CPPED1: variants seen among roughly 807,000 people sequenced by gnomAD.
CPPED1 encodes the protein calcineurin like phosphoesterase domain containing 1, also known as serine/threonine-protein phosphatase CPPED1.
Under a neutral mutation model 28.0 loss-of-function variants are expected in CPPED1, and 28 were observed. That is an observed-to-expected ratio of 1.00 (90% confidence interval 0.74 to 1.37). The LOEUF is 1.37. CPPED1 is among the 40% of genes most tolerant of loss of function. The pLI is 0.00. For missense variants in CPPED1, 504 were observed against 416.5 expected (o/e 1.21, Z -1.83); for synonymous variants, 198 against 180.2 (o/e 1.10, Z -0.79).
chr16:12,675,864 G>C (rs974315465), intron 3 of CPPED1, among the ~76,000 whole-genome samples: 6 of 152,326 alleles, frequency 3.9e-5, no homozygotes, highest in African/African-American at 1.4e-4. Context: ...AGTTAAAAAA[G>C]GTTGGGTGTG....
chr16:12,734,053 T>C (rs1480836901), intron 2 of CPPED1, among the ~76,000 whole-genome samples: 3 of 138,274 alleles, frequency 2.2e-5, no homozygotes, highest in Non-Finnish European at 3.1e-5. Context: ...GTTTTCAAAT[T>C]ACACGTTTTT....
At chr16:12,772,756 C>T (rs969569424) in intron 2 of CPPED1, among the ~76,000 whole-genome samples, 1 of 152,176 alleles carries the variant, frequency 6.6e-6, no homozygotes, top group African/African-American at 2.4e-5. Flanking sequence ...ATCTATAAAT[C>T]CCAAAGTATC....
rs190831430 is a variant in CPPED1 at position 12,737,197 on chromosome 16, T to A, written c.290-32148A>T. ...AGAGTGAGACCATGTCTCAAAAAAATAATAATAATAATAATAAAAAAAATC... is the reference window on the plus strand; with the variant it reads ...AGAGTGAGACCATGTCTCAAAAAAAAAATAATAATAATAATAAAAAAAATC... On this transcript the variant is annotated intron_variant, in intron 2 of 3. Coordinates refer to ENST00000381774, the MANE Select transcript of CPPED1 (RefSeq NM_018340.3). 7.7e-3 allele frequency among the ~76,000 whole-genome samples: 1,163 copies of A among 151,250 alleles called. 22 individuals are homozygous for A. Among genetic ancestry groups the A allele is most frequent in the African/African-American group, 0.024 (999 of 41,194 alleles).
At chr16:12,795,244 C>T (rs574220002) in intron 1 of CPPED1, among the ~76,000 whole-genome samples, 1 of 152,316 alleles carries the variant, frequency 6.6e-6, no homozygotes, top group African/African-American at 2.4e-5. Flanking sequence ...TTCCCCCGGG[C>T]AGATGTGCTC....
intron 2 of CPPED1, among the ~76,000 whole-genome samples, chr16:12,720,847 A>G (rs2141198151): frequency 2.0e-5 from 3 of 152,378 alleles, no homozygotes; most frequent in Middle Eastern, 6.8e-3. Flanking sequence ...AAACAAAATT[A>G]TATGTTATTA....
At chr16:12,780,531 G>A (rs1410461236) in intron 2 of CPPED1, among the ~76,000 whole-genome samples, 4 of 152,080 alleles carry the variant, frequency 2.6e-5, no homozygotes, top group Non-Finnish European at 5.9e-5. Context: ...TCTGGTTTCT[G>A]ACAAAAGGAT....
At chr16:12,678,450 T>C (rs190712315) in intron 3 of CPPED1, among the ~76,000 whole-genome samples, 6 of 152,352 alleles carry the variant, frequency 3.9e-5, no homozygotes, top group African/African-American at 1.4e-4. Context: ...AAAACTGCTA[T>C]AATTTTGATT....
At chr16:12,777,505 C>T (rs972647731) in intron 2 of CPPED1, among the ~76,000 whole-genome samples, 7 of 152,304 alleles carry the variant, frequency 4.6e-5, no homozygotes, top group Admixed American at 1.3e-4. Context: ...TGTTCACTTG[C>T]TACTTACAAT....
chr16:12,793,135 A>G (rs2080606489), intron 1 of CPPED1, among the ~76,000 whole-genome samples: 1 of 152,192 alleles, frequency 6.6e-6, no homozygotes, highest in East Asian at 1.9e-4. Context: ...ACAGTGAGCA[A>G]TGCTGATGGA....
intron 3 of CPPED1, among the ~76,000 whole-genome samples, chr16:12,691,798 G>C (rs9923327): frequency 8.4e-6 from 1 of 118,902 alleles, no homozygotes; most frequent in Admixed American, 8.9e-5. Context: ...AACATCACAC[G>C]CTGGGGACTG....
chr16:12,765,688 T>C (rs573489334), intron 2 of CPPED1, among the ~76,000 whole-genome samples: 1 of 152,284 alleles, frequency 6.6e-6, no homozygotes, highest in East Asian at 1.9e-4. Context: ...AAATAATACA[T>C]ATTGAATAGA....
intron 2 of CPPED1, among the ~76,000 whole-genome samples, chr16:12,733,280 T>TTC (rs2080208816): frequency 7.0e-6 from 1 of 142,568 alleles, no homozygotes; most frequent in African/African-American, 2.9e-5. Context: ...AGGAATTTTT[T>TTC]TTTTTTTTTT....
chr16:12,752,084 C>T (rs764445750), intron 2 of CPPED1, among the ~76,000 whole-genome samples: 14 of 152,162 alleles, frequency 9.2e-5, no homozygotes, highest in Admixed American at 2.0e-4. Context: ...CACAACTTTG[C>T]TTTGAAGATT....
intron 3 of CPPED1, among the ~76,000 whole-genome samples, chr16:12,673,528 T>C (rs951790634): frequency 5.3e-5 from 8 of 152,144 alleles, no homozygotes; most frequent in Non-Finnish European, 1.0e-4. Context: ...CCATATTGAG[T>C]GGCATTAACA....
intron 2 of CPPED1, among the ~76,000 whole-genome samples, chr16:12,741,791 C>G (rs1297599184): frequency 6.6e-6 from 1 of 152,134 alleles, no homozygotes; most frequent in Non-Finnish European, 1.5e-5. Flanking sequence ...TGGTTCACGC[C>G]CGTAATCCCA....
intron 2 of CPPED1, among the ~76,000 whole-genome samples, chr16:12,762,452 C>T (rs1344558055): frequency 6.6e-6 from 1 of 152,128 alleles, no homozygotes; most frequent in Non-Finnish European, 1.5e-5. Flanking sequence ...GAATTTATCT[C>T]ATAGTATAAT....
At chr16:12,776,451 G>A (rs1445505959) in intron 2 of CPPED1, among the ~76,000 whole-genome samples, 1 of 152,220 alleles carries the variant, frequency 6.6e-6, no homozygotes, top group Non-Finnish European at 1.5e-5. Flanking sequence ...AACTTGAATT[G>A]TAGCTCCCAC....
intron 3 of CPPED1, among the ~76,000 whole-genome samples, chr16:12,677,379 C>CT (rs2141170149): frequency 6.6e-6 from 1 of 152,366 alleles, no homozygotes; most frequent in East Asian, 1.9e-4. Flanking sequence ...TGGCTTATGC[C>CT]TGTAATCCCA....
chr16:12,669,846 T>C (rs2079844870), intron 3 of CPPED1, among the ~76,000 whole-genome samples: 1 of 152,126 alleles, frequency 6.6e-6, no homozygotes, highest in South Asian at 2.1e-4. Flanking sequence ...ACATCTTGTG[T>C]TGCCAGAAAG....
Sources: allele counts gnomAD v4.1 joint callset (sites outside exome capture counted in the v4.1 genomes callset), GRCh38; gene constraint gnomAD v4.1.1; transcripts MANE v1.5; gene names NCBI Gene and HGNC (gene_info 2026-07-23, HGNC 2026-07-21).